The following MVD variants were observed in gnomAD, a reference collection of about 807,000 sequenced individuals.
MVD encodes mevalonate diphosphate decarboxylase.
MVD carries 52 observed loss-of-function variants against 42.4 expected under a neutral mutation model. That is an observed-to-expected ratio of 1.23 (90% CI 0.98 to 1.55). The LOEUF (loss-of-function observed/expected upper bound fraction) is 1.55. Ranked by LOEUF, MVD falls within the 40% of genes most tolerant of loss-of-function variation. The pLI is 0.00. For synonymous variants in MVD, 287 were observed against 243.2 expected (o/e 1.18, Z -1.68); for missense variants, 663 against 572.1 (o/e 1.16, Z -1.62).
chr16:88,661,660 G>A (rs562021368), intron 1 of MVD, among the ~76,000 whole-genome samples: 15 of 151,926 alleles, frequency 9.9e-5, no homozygotes, highest in East Asian at 1.9e-4. Flanking sequence ...GATGCTCCAC[G>A]TCACTGGCCA....
chr16:88,655,453 G>C, intron 6 of MVD, 36 bp from the exon 7 acceptor site: 1 of 1,541,754 alleles, frequency 6.5e-7, no homozygotes, highest in Non-Finnish European at 8.7e-7. Flanking sequence ...GGAGCCGCTG[G>C]GGGTCTCGAC....
rs1908302262 is a variant in MVD at position 88,661,705 on chromosome 16, C to T, written c.70+1306G>A. ...CGCGAATGAGGACCACAGCACCCTG[C>T]CAGCACATCCCTACCAGGACGCGGC... On this transcript the variant is annotated intron_variant, in intron 1 of 9. Coordinates refer to ENST00000301012, the MANE Select transcript of MVD (RefSeq NM_002461.3). Among the ~76,000 whole-genome samples, 7 of 151,988 alleles carry T rather than the reference C, an allele frequency of 4.6e-5. No homozygotes were observed. The South Asian group carries it at 1.3e-3, about 27-fold the overall frequency.
Position 88,655,424 on chromosome 16 carries a change from G to A in MVD, c.679-7C>T, listed in dbSNP as rs1170452249. On this transcript the variant is annotated splice_polypyrimidine_tract_variant and splice_region_variant and intron_variant, in intron 6 of 9. Coordinates refer to ENST00000301012, the MANE Select transcript of MVD (RefSeq NM_002461.3). Reference sequence around the variant, plus strand: ...CCACGGACTCGGCCCGGAACTGCAAGGCACAGGGTGTTTCCCATGGAGCCG... The same window carrying A: ...CCACGGACTCGGCCCGGAACTGCAAAGCACAGGGTGTTTCCCATGGAGCCG... The A allele has an allele frequency of 6.4e-7, 1 of 1,561,476 alleles. No homozygotes were observed. Among genetic ancestry groups the A allele is most frequent in the Non-Finnish European group, 8.6e-7 (1 of 1,158,152 alleles).
At position 88,657,993 on chromosome 16, in the gene MVD, A is replaced by C. The variant is rs1908049576; in HGVS notation, c.178T>G (p.Phe60Val). Residue 60 changes from phenylalanine (F) to valine (V), a missense_variant, in exon 3 of 10, where the codon TTC becomes GTC. By Grantham distance (50) the Phe-to-Val change is conservative. Coordinates refer to ENST00000301012, the MANE Select transcript of MVD (RefSeq NM_002461.3). Reference protein sequence around the residue: ...TTTTAVISKDFTEDRIWLNGR... With the variant: ...TTTTAVISKDVTEDRIWLNGR... ...TTCAGCCAAATCCGGTCCTCGGTGA[A>C]GTCCTTGCTGATGACGGCTGTTGTG... 1 of 1,614,062 alleles carries C rather than the reference A, an allele frequency of 6.2e-7. No individual in the cohort carries two copies. Among genetic ancestry groups the C allele is most frequent in the Non-Finnish European group, 8.5e-7 (1 of 1,180,026 alleles).
intron 4 of MVD, 42 bp from the exon 5 acceptor site, chr16:88,656,346 G>T: frequency 6.3e-7 from 1 of 1,589,486 alleles, no homozygotes; most frequent in Non-Finnish European, 8.5e-7. Flanking sequence ...AGAGCTGCCT[G>T]CGCTGTGCTC....
chr16:88,654,878 G>A, intron 7 of MVD, 71 bp from the exon 8 acceptor site: 1 of 1,426,168 alleles, frequency 7.0e-7, no homozygotes, highest in Non-Finnish European at 9.4e-7. Context: ...CCTCTGGTCT[G>A]CCAGGCGGCC....
intron 5 of MVD, 107 bp downstream of exon 5, chr16:88,655,998 G>C: frequency 7.0e-7 from 1 of 1,430,814 alleles, no homozygotes; most frequent in South Asian, 1.3e-5. Context: ...CTGACCCCAG[G>C]AGCCAAGCAA....
Position 88,652,561 on chromosome 16 carries a change from G to A in MVD, c.1167C>T (p.Leu389=), listed in dbSNP as rs1336457039. Residue 389 remains leucine, a synonymous_variant, in exon 10 of 10, where the codon CTC becomes CTT. Coordinates refer to ENST00000301012, the MANE Select transcript of MVD (RefSeq NM_002461.3). ...PQILDDPCAH[L]LGPDGLPKPA... is the part of the protein sequence containing the mutation. Reference sequence around the variant, plus strand: ...GCTTCGGCAGGCCGTCAGGACCCAGGAGGTGGGCGCAGGGGTCATCCAGGA... The same window carrying A: ...GCTTCGGCAGGCCGTCAGGACCCAGAAGGTGGGCGCAGGGGTCATCCAGGA... 1 of 1,572,494 alleles carries A rather than the reference G, an allele frequency of 6.4e-7. No individual in the cohort carries two copies. Among genetic ancestry groups the A allele is most frequent in the Non-Finnish European group, 8.6e-7 (1 of 1,158,996 alleles).
chr16:88,654,261 T>A (rs936415344), intron 8 of MVD, among the ~76,000 whole-genome samples: 1 of 151,900 alleles, frequency 6.6e-6, no homozygotes, highest in Non-Finnish European at 1.5e-5. Flanking sequence ...CGGGGCGGGG[T>A]CAACACCCGG....
rs141900581 is a variant in MVD, at chr16:88,658,686, G to C, written c.105C>G (p.Ile35Met). Residue 35 changes from isoleucine (I) to methionine (M), a missense_variant, in exon 2 of 10, where the codon ATC becomes ATG. Physicochemically the swap from Ile to Met is conservative, Grantham distance 10 (BLOSUM62 1). Coordinates refer to ENST00000301012, the MANE Select transcript of MVD (RefSeq NM_002461.3). ...GCAGAGTGACGCTCAGGGAGGAGTT[G>C]ATGGGCAGAACCAGCTCTTCATCGC... ...GKRDEELVLP[I>M]NSSLSVTLHQ... 147 of 1,613,712 alleles carry C rather than the reference G, an allele frequency of 9.1e-5. 3 individuals carry two copies. The Middle Eastern group carries it at 4.5e-3, about 49-fold the overall frequency.
intron 4 of MVD, chr16:88,656,839 G>A (rs1907959263): frequency 4.1e-6 from 1 of 245,576 alleles, no homozygotes. Flanking sequence ...GAGCCCAGGT[G>A]GGCCAGGAAG....
Position 88,656,251 on chromosome 16 carries a change from G to T in MVD, c.457C>A (p.Arg153Ser). ...CGGCAGGCGCTGCCTGAGCCCCGGC[G>T]AGCCACTTCTGAGAGGTCACTCTCC... ...GVESDLSEVA[R>S]RGSGSACRSL... The change falls in exon 5 of 10, where the codon CGC (arginine) becomes AGC (serine). Residue 153 changes from arginine (R) to serine (S), a missense_variant. Physicochemically the swap from Arg to Ser is moderately radical, Grantham distance 110. Coordinates refer to ENST00000301012, the MANE Select transcript of MVD (RefSeq NM_002461.3). The T allele has an allele frequency of 1.2e-6, 2 of 1,600,258 alleles. No homozygotes were observed. Among genetic ancestry groups the T allele is most frequent in the South Asian group, 2.2e-5 (2 of 91,084 alleles).
Position 88,663,055 on chromosome 16 carries a change from G to T in MVD, c.26C>A (p.Ala9Glu). Residue 9 changes from alanine (A) to glutamate (E), a missense_variant, in exon 1 of 10, where the codon GCA becomes GAA. By Grantham distance (107) the Ala-to-Glu change is moderately radical (BLOSUM62 -1). Coordinates refer to ENST00000301012, the MANE Select transcript of MVD (RefSeq NM_002461.3). MASEKPLA[A>E]VTCTAPVNIA... is the part of the protein sequence containing the mutation. ...GTTGACCGGCGCTGTACAAGTGACTGCCGCCAGCGGCTTCTCCGAGGCCAT... is the reference window on the plus strand; with the variant it reads ...GTTGACCGGCGCTGTACAAGTGACTTCCGCCAGCGGCTTCTCCGAGGCCAT... 3.1e-6 allele frequency: 5 copies of T among 1,610,282 alleles called. No homozygotes were observed. Among genetic ancestry groups the T allele is most frequent in the Non-Finnish European group, 4.2e-6 (5 of 1,178,876 alleles).
intron 1 of MVD, chr16:88,661,980 A>G (rs946255943): frequency 3.3e-5 from 5 of 151,880 alleles, no homozygotes; most frequent in African/African-American, 1.2e-4. Context: ...ACATATATAC[A>G]TAGAAAGAGA....
chr16:88,659,754 TC>T (rs1908172864), intron 1 of MVD, among the ~76,000 whole-genome samples: 1 of 151,862 alleles, frequency 6.6e-6, no homozygotes, highest in Admixed American at 6.6e-5. Flanking sequence ...TCACCTGAGG[TC>T]GGGAGTTTGA....
In MVD at chr16:88,658,067, T is replaced by C. The variant is rs200806905; in HGVS notation, c.142-38A>G. The C allele has an allele frequency of 5.5e-4, 882 of 1,589,482 alleles. 3 individuals are homozygous for C. The highest frequency in any genetic ancestry group is 3.9e-3 in the African/African-American group (292 of 74,542). The stretch of plus-strand genomic sequence containing the variant: ...CCCAGGGCCACCTCAGAGGCCAGCA[T>C]TGAGGACCGATGCCAGCCAGGTACC... On this transcript the variant is annotated intron_variant, in intron 2 of 9. Coordinates refer to ENST00000301012, the MANE Select transcript of MVD (RefSeq NM_002461.3).
intron 4 of MVD, 88 bp from the exon 5 acceptor site, chr16:88,656,392 C>T: frequency 7.1e-7 from 1 of 1,404,846 alleles, no homozygotes; most frequent in Non-Finnish European, 9.8e-7. Flanking sequence ...GTCCCACACC[C>T]CACGGCAAAT....
chr16:88,654,561 C>T (rs1394658398), intron 8 of MVD, 131 bp downstream of exon 8: 3 of 868,898 alleles, frequency 3.5e-6, no homozygotes, highest in Admixed American at 3.6e-5. Flanking sequence ...GTGGCTCCCA[C>T]ACTCGGGGGA....
At chr16:88,662,615 C>T in intron 1 of MVD, 1 of 1,099,470 alleles carries the variant, frequency 9.1e-7, no homozygotes, top group Non-Finnish European at 1.1e-6. Context: ...GATTTCCGCT[C>T]ACTGCAGCCT....
Sources: gnomAD v4.1 joint callset for allele counts (sites outside exome capture counted in the v4.1 genomes callset) on GRCh38, gnomAD v4.1.1 for gene constraint, MANE v1.5 for transcripts, NCBI Gene and HGNC (gene_info 2026-07-23, HGNC 2026-07-21) for gene names.